CBR4: variants seen among roughly 807,000 people sequenced by gnomAD.
The protein encoded by CBR4 is 3-oxoacyl-[acyl-carrier-protein] reductase.
Under a neutral mutation model 21.0 loss-of-function variants are expected in CBR4, and 22 were observed. That is an observed-to-expected ratio of 1.05 (90% CI 0.75 to 1.50). The LOEUF (loss-of-function observed/expected upper bound fraction) is 1.50. Among genes scored for constraint, CBR4 ranks in the 40% most tolerant of loss-of-function variants. The probability of loss-of-function intolerance (pLI) is 0.00; values close to 1 mark genes in which losing one functional copy is unlikely to be tolerated. For missense variants in CBR4, 302 were observed against 286.3 expected (o/e 1.05, Z -0.40); for synonymous variants, 100 against 104.4 (o/e 0.96, Z 0.26).
chr4:169,002,015 G>T, intron 4 of CBR4, 56 bp downstream of exon 4: 4 of 1,336,890 alleles, frequency 3.0e-6, no homozygotes, highest in South Asian at 1.7e-5. Flanking sequence ...CCAAATAATG[G>T]CTTCCCTATA....
intron 4 of CBR4, among the ~76,000 whole-genome samples, chr4:168,998,974 ATATG>A (rs1456773633): frequency 6.6e-6 from 1 of 152,188 alleles, no homozygotes; most frequent in African/African-American, 2.4e-5. Flanking sequence ...ATTTCGTACT[ATATG>A]TATTATCTAT....
chr4:168,914,941 A>G (rs1028912564), intron 2 of CBR4, among the ~76,000 whole-genome samples: 1 of 152,186 alleles, frequency 6.6e-6, no homozygotes, highest in Non-Finnish European at 1.5e-5. Flanking sequence ...GGCAATACCT[A>G]TTCACAGGAT....
chr4:168,934,291 A>C (rs1201015814), intron 2 of CBR4, among the ~76,000 whole-genome samples: 9 of 149,128 alleles, frequency 6.0e-5, no homozygotes, highest in Non-Finnish European at 8.9e-5. Flanking sequence ...ACAAAAAAAA[A>C]AAAAAAAAAA....
chr4:168,904,842 C>G (rs1465844497), intron 2 of CBR4, among the ~76,000 whole-genome samples: 4 of 152,082 alleles, frequency 2.6e-5, no homozygotes, highest in African/African-American at 9.7e-5. Context: ...ATTAAAGTTT[C>G]TGGCCCAGGT....
chr4:168,896,623 C>G, intron 2 of CBR4: 1 of 1,373,864 alleles, frequency 7.3e-7, no homozygotes. Flanking sequence ...CCTTTCTTCT[C>G]CTTCCAGTCT....
At chr4:169,008,560 C>T (rs1404489711) in intron 1 of CBR4, among the ~76,000 whole-genome samples, 4 of 152,150 alleles carry the variant, frequency 2.6e-5, no homozygotes. Context: ...CAGTAAGCGA[C>T]CCGGGGAATT....
intron 1 of CBR4, 137 bp from the exon 2 acceptor site, chr4:169,007,893 G>T: frequency 1.9e-6 from 1 of 517,284 alleles, no homozygotes; most frequent in Non-Finnish European, 3.2e-6. Flanking sequence ...AATGTCATGA[G>T]GCCTGGCTTT....
intron 2 of CBR4, among the ~76,000 whole-genome samples, chr4:168,953,908 G>A (rs1414629665): frequency 1.3e-5 from 2 of 152,096 alleles, no homozygotes; most frequent in African/African-American, 4.8e-5. Context: ...AGAAGACACT[G>A]CATCCAGGAA....
At chr4:168,932,999 T>A (rs1259661112) in intron 2 of CBR4, among the ~76,000 whole-genome samples, 2 of 151,956 alleles carry the variant, frequency 1.3e-5, no homozygotes, top group East Asian at 3.9e-4. Flanking sequence ...AATTATAAAA[T>A]TCACTTGTAG....
At chr4:168,947,021 A>T (rs1397583962) in intron 2 of CBR4, among the ~76,000 whole-genome samples, 1 of 152,218 alleles carries the variant, frequency 6.6e-6, no homozygotes, top group Non-Finnish European at 1.5e-5. Context: ...TATAAGGCTA[A>T]CAATCTTGAA....
intron 2 of CBR4, among the ~76,000 whole-genome samples, chr4:168,912,636 A>G (rs1174428001): frequency 6.6e-6 from 1 of 152,336 alleles, no homozygotes; most frequent in South Asian, 2.1e-4. Context: ...TTTATGAGGT[A>G]CAGTGTGATA....
intron 2 of CBR4, among the ~76,000 whole-genome samples, chr4:168,955,455 A>G (rs1763657932): frequency 6.6e-6 from 1 of 152,232 alleles, no homozygotes; most frequent in Non-Finnish European, 1.5e-5. Flanking sequence ...TTGTGATTAA[A>G]AGTAACAGTA....
chr4:168,898,760 A>G (rs1251389052), intron 2 of CBR4: 2 of 1,284,292 alleles, frequency 1.6e-6, no homozygotes, highest in East Asian at 2.3e-5. Context: ...CTCTGAGGAA[A>G]GGTTTAGCTT....
intron 2 of CBR4, among the ~76,000 whole-genome samples, chr4:168,923,038 T>C (rs187398468): frequency 2.0e-5 from 3 of 152,354 alleles, no homozygotes; most frequent in Admixed American, 1.3e-4. Context: ...GATTAAATCA[T>C]AAAAATGTGT....
At chr4:168,942,207 G>C (rs1182443637) in intron 2 of CBR4, among the ~76,000 whole-genome samples, 1 of 151,910 alleles carries the variant, frequency 6.6e-6, no homozygotes, top group Non-Finnish European at 1.5e-5. Context: ...CACAGGGAGG[G>C]GAACATCACA....
chr4:169,007,759 A>C lies in CBR4; in HGVS notation c.143-3T>G. On this transcript the variant is annotated splice_polypyrimidine_tract_variant and splice_region_variant and intron_variant, in intron 1 of 4. Transcript: ENST00000306193. ...ACAGCTAAATGCCAAATGATCTCCTACACAACAAAGTTAAATAAGAATTAC... is the reference window on the plus strand; with the variant it reads ...ACAGCTAAATGCCAAATGATCTCCTCCACAACAAAGTTAAATAAGAATTAC... The C allele has an allele frequency of 6.4e-7, 1 of 1,569,100 alleles. No individual in the cohort carries two copies. The highest frequency in any genetic ancestry group is 8.6e-7 in the Non-Finnish European group (1 of 1,161,666).
intron 3 of CBR4, among the ~76,000 whole-genome samples, chr4:169,004,296 T>C (rs1007313786): frequency 6.6e-6 from 1 of 152,218 alleles, no homozygotes; most frequent in Admixed American, 6.5e-5. Context: ...ATAATGCTAC[T>C]GCATACTTAA....
At chr4:168,942,319 G>A (rs62333036) in intron 2 of CBR4, among the ~76,000 whole-genome samples, 9,427 of 151,988 alleles carry the variant, frequency 0.062, 398 homozygotes, top group Non-Finnish European at 0.097. Context: ...GTTGATAGGT[G>A]CAGCAAACCA....
intron 2 of CBR4, among the ~76,000 whole-genome samples, chr4:168,974,233 G>T (rs1173739335): frequency 6.6e-6 from 1 of 152,150 alleles, no homozygotes; most frequent in African/African-American, 2.4e-5. Flanking sequence ...CTAAAGAGAG[G>T]ACCCCAATCA....
Sources: allele counts gnomAD v4.1 joint callset (sites outside exome capture counted in the v4.1 genomes callset), GRCh38; gene constraint gnomAD v4.1.1; transcripts MANE v1.5; gene names NCBI Gene and HGNC (gene_info 2026-07-23, HGNC 2026-07-21).